TEX14: variants seen among roughly 807,000 people sequenced by gnomAD.
The protein encoded by TEX14 is inactive serine/threonine-protein kinase TEX14.
TEX14 carries 168 observed loss-of-function variants against 178.6 expected under a neutral mutation model. The observed-to-expected ratio is 0.94, with a 90% CI of 0.83 to 1.07. The LOEUF (loss-of-function observed/expected upper bound fraction) is 1.07. Among genes scored for constraint, TEX14 ranks in the 50% least tolerant of loss-of-function variants. TEX14 has a pLI of 0.00. For missense variants in TEX14, 1,730 were observed against 1,753.6 expected (o/e 0.99, Z 0.24); for synonymous variants, 626 against 634.1 (o/e 0.99, Z 0.19).
intron 4 of TEX14, 62 bp downstream of exon 4, chr17:58,622,785 G>A: frequency 1.3e-6 from 2 of 1,498,642 alleles, no homozygotes; most frequent in Non-Finnish European, 1.8e-6. Context: ...ACCACTGGGA[G>A]CCTGACTCTC....
chr17:58,679,336 T>C (rs1163117769), intron 1 of TEX14, among the ~76,000 whole-genome samples: 2 of 152,122 alleles, frequency 1.3e-5, no homozygotes, highest in Admixed American at 6.6e-5. Context: ...CTGATTGTAA[T>C]GGCAAATCAC....
intron 28 of TEX14, 38 bp downstream of exon 28, chr17:58,564,831 T>G (rs758871084): frequency 1.4e-5 from 19 of 1,311,120 alleles, no homozygotes; most frequent in Non-Finnish European, 1.9e-5. Flanking sequence ...ACTATACAAT[T>G]TTTTAAATCC....
chr17:58,683,052 C>CAAAAA (rs1194798521), intron 1 of TEX14, among the ~76,000 whole-genome samples: 4 of 54,040 alleles, frequency 7.4e-5, no homozygotes, highest in African/African-American at 2.7e-4. Context: ...GAGTCTGTCT[C>CAAAAA]AAAAAAAAAA....
At chr17:58,575,371 C>T (rs549861500) in intron 21 of TEX14, among the ~76,000 whole-genome samples, 3 of 152,152 alleles carry the variant, frequency 2.0e-5, no homozygotes, top group African/African-American at 7.2e-5. Flanking sequence ...CTGCCTCGGC[C>T]TCCCAAAGTG....
In TEX14 at chr17:58,601,808, A is replaced by G. The variant is rs567490592; in HGVS notation, c.1676T>C (p.Met559Thr). The G allele has an allele frequency of 3.6e-5, 58 of 1,612,366 alleles. 1 individual carries two copies. The South Asian group carries it at 5.8e-4, about 16-fold the overall frequency. Residue 559 changes from methionine to threonine, a missense_variant and splice_region_variant, in exon 13 of 32, where the codon ATG (methionine) becomes ACG (threonine). Around this residue, in one of 2 missense-constraint regions of TEX14, gnomAD observed 941 missense variants for 1,072.4 expected, o/e 0.88. Transcript: ENST00000349033. ...PDMEIIELKE[M>T]GSQPHSPRVH... ...CAACCTGTGAATTAAGGCCATACCC[A>G]TTTCCTTTAGTTCTATGATTTCCAT... is the stretch of plus-strand genomic sequence containing the variant.
intron 3 of TEX14, among the ~76,000 whole-genome samples, chr17:58,628,203 T>C (rs981212914): frequency 6.6e-6 from 1 of 152,170 alleles, no homozygotes; most frequent in African/African-American, 2.4e-5. Flanking sequence ...TGATTGGCTT[T>C]TTTCTTTGTG....
At chr17:58,621,424 C>G (rs2045994101) in intron 5 of TEX14, among the ~76,000 whole-genome samples, 1 of 152,238 alleles carries the variant, frequency 6.6e-6, no homozygotes, top group Non-Finnish European at 1.5e-5. Context: ...AGAGCCCACA[C>G]TCATTCCTCT....
chr17:58,584,407 C>G lies in TEX14; in HGVS notation c.3171+93G>C, dbSNP rs945815537. 1.6e-5 allele frequency: 14 copies of G among 855,356 alleles called. No individual in the cohort carries two copies. The African/African-American group carries it at 2.2e-4, about 13-fold the overall frequency. The allele number at this position is 855,356 out of a possible 1,614,324, so 53.0% of individuals were successfully genotyped here. On this transcript the variant is annotated intron_variant, in intron 19 of 31. Coordinates refer to ENST00000349033, the MANE Select transcript of TEX14 (RefSeq NM_031272.5). ...CTCCAGCCAAAAAGAACTACTATAG[C>G]TATTATTTTGGTGTCATAACACATA...
intron 22 of TEX14, 55 bp from the exon 23 acceptor site, chr17:58,573,363 A>C (rs1052374646): frequency 1.3e-6 from 2 of 1,563,336 alleles, no homozygotes; most frequent in Non-Finnish European, 8.8e-7. Context: ...AAAATCAAAC[A>C]ATATATTCCT....
chr17:58,675,126 A>G (rs2047374444), intron 1 of TEX14, among the ~76,000 whole-genome samples: 1 of 151,994 alleles, frequency 6.6e-6, no homozygotes, highest in Admixed American at 6.6e-5. Flanking sequence ...AGCCTGGATG[A>G]CACAGGGAAA....
chr17:58,632,487 C>T (rs893796901), intron 2 of TEX14, among the ~76,000 whole-genome samples: 2 of 152,176 alleles, frequency 1.3e-5, no homozygotes, highest in Non-Finnish European at 2.9e-5. Flanking sequence ...CCGTCACACC[C>T]GGCCATTGCT....
rs751650571 is a variant in TEX14 at position 58,557,054 on chromosome 17, A to G, written c.4320-7T>C. The G allele has an allele frequency of 9.9e-6, 16 of 1,613,328 alleles. No individual in the cohort carries two copies. The East Asian group carries it at 3.6e-4, about 36-fold the overall frequency. ...CTGATCCAGCACGATTATCCTATGC[A>G]CATGTTTTTTAAAGAACAAAAAAGG... On this transcript the variant is annotated splice_region_variant and splice_polypyrimidine_tract_variant and intron_variant, in intron 31 of 31. Transcript: ENST00000349033.
chr17:58,651,941 C>T lies in TEX14; in HGVS notation c.61G>A (p.Asp21Asn). 6.2e-7 allele frequency: 1 copy of T among 1,613,330 alleles called. No individual in the cohort carries two copies. The highest frequency in any genetic ancestry group is 8.5e-7 in the Non-Finnish European group (1 of 1,179,826). Reference sequence around the variant, plus strand: ...TCATGAAGCTGAGCTTCCAGGGAGTCATTTCTTAAGGTACCAAGTTGAACA... The same window carrying T: ...TCATGAAGCTGAGCTTCCAGGGAGTTATTTCTTAAGGTACCAAGTTGAACA... ...CPVQLGTLRN[D>N]SLEAQLHEYV... The change falls in exon 2 of 32, where the codon GAC becomes AAC. Residue 21 changes from aspartate to asparagine, a missense_variant. Asp to Asn is a conservative substitution (Grantham distance 23, BLOSUM62 1). Transcript: ENST00000349033.
intron 2 of TEX14, chr17:58,631,685 AAAC>A (rs2046304304): frequency 6.6e-6 from 1 of 151,516 alleles, no homozygotes; most frequent in African/African-American, 2.4e-5. Flanking sequence ...CACCAACAGC[AAAC>A]AGCAGTTAGA....
intron 2 of TEX14, chr17:58,631,777 A>C (rs2046315898): frequency 6.6e-6 from 1 of 152,098 alleles, no homozygotes; most frequent in South Asian, 2.1e-4. Flanking sequence ...AGCGTTCTAC[A>C]CGTTCAGATA....
At chr17:58,613,360 G>A (rs2045792330) in intron 9 of TEX14, 61 bp downstream of exon 9, 2 of 1,605,796 alleles carry the variant, frequency 1.2e-6, no homozygotes, top group African/African-American at 2.7e-5. Context: ...TGGGGCAAGA[G>A]GGTGAGGAGG....
intron 1 of TEX14, among the ~76,000 whole-genome samples, chr17:58,685,988 C>T (rs1295460078): frequency 3.6e-5 from 4 of 109,626 alleles, no homozygotes; most frequent in Non-Finnish European, 6.9e-5. Flanking sequence ...GGGCAAGACT[C>T]TGTCTCACAA....
chr17:58,572,731 T>G (rs2044566349), intron 23 of TEX14, among the ~76,000 whole-genome samples: 1 of 152,088 alleles, frequency 6.6e-6, no homozygotes, highest in Admixed American at 6.6e-5. Context: ...GCCTCTAAAC[T>G]TTACCAAAAT....
intron 2 of TEX14, among the ~76,000 whole-genome samples, chr17:58,650,770 C>T (rs1286264706): frequency 6.6e-6 from 1 of 152,088 alleles, no homozygotes; most frequent in Non-Finnish European, 1.5e-5. Flanking sequence ...ATCCACTGTG[C>T]CAGCCATGAG....
Sources: gnomAD v4.1 joint callset for allele counts (sites outside exome capture counted in the v4.1 genomes callset) on GRCh38, gnomAD v4.1.1 for gene constraint, gnomAD v4.1.1 regional missense constraint, MANE v1.5 for transcripts, NCBI Gene and HGNC (gene_info 2026-07-23, HGNC 2026-07-21) for gene names.